Variants in CHIC1 observed in about 807,000 individuals in gnomAD.
CHIC1 encodes the protein cysteine-rich hydrophobic domain-containing protein 1.
CHIC1 carries 7 observed loss-of-function variants against 18.5 expected under a neutral mutation model. The observed-to-expected ratio is 0.38, with a 90% CI of 0.22 to 0.71. CHIC1 has a LOEUF of 0.71. Among genes scored for constraint, CHIC1 ranks in the 30% least tolerant of loss-of-function variants. The pLI is 0.49. For synonymous variants in CHIC1, 77 were observed against 73.5 expected (o/e 1.05, Z -0.25); for missense variants, 159 against 176.9 (o/e 0.90, Z 0.57).
At position 73,614,947 on chromosome X, in the gene CHIC1, T is replaced by A. The variant is rs1331415782; in HGVS notation, c.507+30375T>A. On this transcript the variant is annotated intron_variant, in intron 3 of 5. Transcript: ENST00000373502. ...TGTCAAACTTCCTTGCTTTTTGATGTTTTTTTGTGTGTGTCCTTATGTTGG... is the reference window on the plus strand; with the variant it reads ...TGTCAAACTTCCTTGCTTTTTGATGATTTTTTGTGTGTGTCCTTATGTTGG... Among the ~76,000 whole-genome samples, 5 of 111,455 alleles carry A rather than the reference T, an allele frequency of 4.5e-5. No homozygotes were observed. In the Admixed American group the frequency reaches 4.8e-4, roughly 11 times the overall value.
chrX:73,571,683 A>G (rs899386888), intron 1 of CHIC1, among the ~76,000 whole-genome samples: 24 of 111,433 alleles, frequency 2.2e-4, no homozygotes, highest in African/African-American at 3.2e-5. Context: ...GTACTGACAC[A>G]CCTGAACAGA....
At chrX:73,657,145 C>G (rs2057953904) in intron 3 of CHIC1, among the ~76,000 whole-genome samples, 1 of 108,048 alleles carries the variant, frequency 9.3e-6, no homozygotes, top group African/African-American at 3.4e-5. Context: ...CTGCAAGCTC[C>G]ACCTTCCGGG....
At chrX:73,615,918 C>A (rs771955537) in intron 3 of CHIC1, among the ~76,000 whole-genome samples, 110 of 111,003 alleles carry the variant, frequency 9.9e-4, no homozygotes, top group South Asian at 8.2e-3. Context: ...TGGCAGCTCA[C>A]AGTAGAGGCA....
At chrX:73,668,302 A>G in intron 3 of CHIC1, among the ~76,000 whole-genome samples, 1 of 111,827 alleles carries the variant, frequency 8.9e-6, no homozygotes, top group Non-Finnish European at 1.9e-5. Context: ...TTGGGTTACA[A>G]CATGCTCCTT....
At position 73,607,705 on chromosome X, in the gene CHIC1, C is replaced by T. The variant is rs1487794427; in HGVS notation, c.507+23133C>T. Reference sequence around the variant, plus strand: ...GCCGGAATGCATTGTTCCTCACTCACGGCACAGTCCCTCATGGCTTTCCTT... The same window carrying T: ...GCCGGAATGCATTGTTCCTCACTCATGGCACAGTCCCTCATGGCTTTCCTT... On this transcript the variant is annotated intron_variant, in intron 3 of 5. Transcript: ENST00000373502. Among the ~76,000 whole-genome samples the T allele has an allele frequency of 1.8e-5, 2 of 108,337 alleles. 1 individual carries two copies. The highest frequency in any genetic ancestry group is 7.2e-5 in the African/African-American group (2 of 27,765). The allele number at this position is 108,337 out of a possible 115,157, so 94.1% of individuals were successfully genotyped here. A position where few individuals can be genotyped will look rare whatever the true frequency, so the allele number is the denominator to read the frequency against.
chrX:73,681,224 C>T lies in CHIC1; in HGVS notation c.*219C>T. The T allele has an allele frequency of 2.8e-6, 1 of 353,304 alleles. No homozygotes were observed. Among genetic ancestry groups the T allele is most frequent in the Non-Finnish European group, 4.8e-6 (1 of 206,264 alleles). The allele number at this position is 353,304 out of a possible 1,213,427, so 29.1% of individuals were successfully genotyped here. ...TTGCACTCTCAATTTTAAATACACA[C>T]ACATGCGTGTGTGCATATACATATA... On this transcript the variant is annotated 3_prime_UTR_variant, in exon 6 of 6. Coordinates refer to ENST00000373502, the MANE Select transcript of CHIC1 (RefSeq NM_001039840.4).
chrX:73,606,784 T>C (rs1461077974), intron 3 of CHIC1, among the ~76,000 whole-genome samples: 1 of 109,160 alleles, frequency 9.2e-6, no homozygotes, highest in Non-Finnish European at 1.9e-5. Flanking sequence ...CTTCAGACCC[T>C]GTTTGCTTTG....
intron 2 of CHIC1, among the ~76,000 whole-genome samples, chrX:73,582,768 T>G (rs1219996737): frequency 9.0e-6 from 1 of 110,663 alleles, no homozygotes; most frequent in Non-Finnish European, 1.9e-5. Flanking sequence ...AAACAAAGAT[T>G]ATTATTCTCA....
At chrX:73,601,494 G>T (rs975509424) in intron 3 of CHIC1, among the ~76,000 whole-genome samples, 2 of 106,059 alleles carry the variant, frequency 1.9e-5, no homozygotes, top group African/African-American at 3.7e-5. Flanking sequence ...CAGAAATAAA[G>T]ATGTTCTTTG....
At chrX:73,659,037 C>T (rs767876433) in intron 3 of CHIC1, among the ~76,000 whole-genome samples, 26 of 111,478 alleles carry the variant, frequency 2.3e-4, no homozygotes, top group African/African-American at 8.5e-4. Context: ...GCCAGTGCTG[C>T]GGGGATTTAT....
intron 3 of CHIC1, among the ~76,000 whole-genome samples, chrX:73,637,002 T>C (rs1467641671): frequency 2.7e-5 from 3 of 112,003 alleles, no homozygotes; most frequent in Non-Finnish European, 5.6e-5. Context: ...GATGTTTATA[T>C]TGACCTCTGG....
chrX:73,646,311 A>G (rs891712461), intron 3 of CHIC1, among the ~76,000 whole-genome samples: 1 of 111,970 alleles, frequency 8.9e-6, no homozygotes, highest in African/African-American at 3.2e-5. Context: ...GCTTTGTAAT[A>G]TATTTTGAAA....
At chrX:73,584,007 G>A (rs1037261022) in intron 2 of CHIC1, among the ~76,000 whole-genome samples, 1 of 110,739 alleles carries the variant, frequency 9.0e-6, no homozygotes, top group African/African-American at 3.3e-5. Flanking sequence ...AATTTTAATT[G>A]CATTTTCTCT....
At chrX:73,606,302 G>C (rs755389284) in intron 3 of CHIC1, among the ~76,000 whole-genome samples, 2 of 105,503 alleles carry the variant, frequency 1.9e-5, no homozygotes, top group Non-Finnish European at 3.8e-5. Flanking sequence ...TATGCTTCAC[G>C]AAGTTCTCGT....
chrX:73,575,913 CACAA>C (rs951997045), intron 1 of CHIC1, among the ~76,000 whole-genome samples: 1 of 110,409 alleles, frequency 9.1e-6, no homozygotes, highest in Admixed American at 9.6e-5. Context: ...TAGCTTAAAA[CACAA>C]ACACATTGTA....
chrX:73,617,836 A>G (rs1357206453), intron 3 of CHIC1, among the ~76,000 whole-genome samples: 1 of 111,844 alleles, frequency 8.9e-6, no homozygotes, highest in African/African-American at 3.3e-5. Flanking sequence ...GCCAAACCAT[A>G]TCAGAGTGTT....
chrX:73,569,330 G>A (rs1384977343), intron 1 of CHIC1, among the ~76,000 whole-genome samples: 1 of 111,291 alleles, frequency 9.0e-6, no homozygotes, highest in Non-Finnish European at 1.9e-5. Context: ...GAGACAAAAG[G>A]GAAGAGGAAC....
In CHIC1 at chrX:73,681,616, TA is replaced by T. The variant is rs2058099747; in HGVS notation, c.*613del. 8.9e-6 allele frequency: 1 copy of T among 112,460 alleles called. No homozygotes were observed. Among genetic ancestry groups the T allele is most frequent in the African/African-American group, 3.2e-5 (1 of 31,008 alleles). 9.3% of individuals were successfully genotyped at this position (112,460 alleles called of 1,213,427 possible). A position where few individuals can be genotyped will look rare whatever the true frequency, so the allele number is the denominator to read the frequency against. ...GTGGTATGCCATGGTTTACATAATG[TA>T]ACATTACTCTTATTGTATTGCCAAC... On this transcript the variant is annotated 3_prime_UTR_variant, in exon 6 of 6. Transcript: ENST00000373502.
intron 1 of CHIC1, 53 bp from the exon 2 acceptor site, chrX:73,577,354 G>T: frequency 1.1e-6 from 1 of 932,192 alleles, no homozygotes; most frequent in South Asian, 2.6e-5. Flanking sequence ...AAAAAAAAGG[G>T]AAGATTTAAG....
Sources: gnomAD v4.1 joint callset for allele counts (sites outside exome capture counted in the v4.1 genomes callset) on GRCh38, gnomAD v4.1.1 for gene constraint, MANE v1.5 for transcripts, NCBI Gene and HGNC (gene_info 2026-07-23, HGNC 2026-07-21) for gene names.